Variants in KATNIP observed in about 807,000 individuals in gnomAD.
The protein encoded by KATNIP is katanin-interacting protein.
Under a neutral mutation model 174.0 loss-of-function variants are expected in KATNIP, and 126 were observed. The ratio of observed to expected loss-of-function variants is 0.72; its 90% confidence interval spans 0.63 to 0.84. KATNIP has a LOEUF of 0.84. KATNIP is among the 40% of genes least tolerant of loss of function. The probability of loss-of-function intolerance (pLI) is 0.00; values close to 1 mark genes in which losing one functional copy is unlikely to be tolerated. For missense variants in KATNIP, 1,958 were observed against 2,109.7 expected (o/e 0.93, Z 1.41); for synonymous variants, 810 against 835.7 (o/e 0.97, Z 0.53).
At chr16:27,720,450 G>A (rs967091655) in intron 13 of KATNIP, among the ~76,000 whole-genome samples, 3 of 149,980 alleles carry the variant, frequency 2.0e-5, no homozygotes, top group Admixed American at 6.6e-5. Context: ...CACTCCATGT[G>A]TGTGCATTCA....
At chr16:27,721,280 G>A (rs936782778) in intron 13 of KATNIP, among the ~76,000 whole-genome samples, 6 of 152,156 alleles carry the variant, frequency 3.9e-5, no homozygotes, top group Admixed American at 1.3e-4. Flanking sequence ...AATAAAGCCC[G>A]CTGCATTTTA....
intron 2 of KATNIP, among the ~76,000 whole-genome samples, chr16:27,611,209 A>G (rs987989652): frequency 1.3e-5 from 2 of 152,208 alleles, no homozygotes; most frequent in African/African-American, 4.8e-5. Context: ...TGGTATCTGA[A>G]TATACAGTGG....
intron 2 of KATNIP, among the ~76,000 whole-genome samples, chr16:27,588,410 G>GT (rs2090983518): frequency 6.6e-6 from 1 of 151,980 alleles, no homozygotes; most frequent in Admixed American, 6.6e-5. Flanking sequence ...TATTTAAGAG[G>GT]TTTTCACATG....
chr16:27,749,039 C>T (rs551683863), intron 15 of KATNIP, among the ~76,000 whole-genome samples: 2 of 152,186 alleles, frequency 1.3e-5, no homozygotes, highest in Non-Finnish European at 2.9e-5. Context: ...GTTAGAGTCA[C>T]GTGACTGTGA....
intron 13 of KATNIP, among the ~76,000 whole-genome samples, chr16:27,713,819 TA>T (rs56864871): frequency 2.6e-5 from 1 of 38,314 alleles, no homozygotes; most frequent in African/African-American, 1.4e-4. Flanking sequence ...CATATATATA[TA>T]TATATATATA....
At chr16:27,694,275 A>G (rs1003850987) in intron 8 of KATNIP, among the ~76,000 whole-genome samples, 24 of 152,128 alleles carry the variant, frequency 1.6e-4, no homozygotes, top group Admixed American at 1.1e-3. Context: ...GGGCGTAGCA[A>G]GAGAGTCAAG....
chr16:27,585,855 A>C (rs554143433), intron 2 of KATNIP, among the ~76,000 whole-genome samples: 11 of 152,296 alleles, frequency 7.2e-5, no homozygotes, highest in Non-Finnish European at 1.6e-4. Flanking sequence ...TAATCCCAGC[A>C]CTTTGGGAGG....
At position 27,758,396 on chromosome 16, in the gene KATNIP, A is replaced by G. The variant is rs114786871; in HGVS notation, c.3632-3017A>G. 1.1e-3 allele frequency among the ~76,000 whole-genome samples: 165 copies of G among 152,066 alleles called. 1 individual carries two copies. The highest frequency in any genetic ancestry group is 3.9e-3 in the African/African-American group (160 of 41,454). Reference sequence around the variant, plus strand: ...ATCTGTCCCCTTCAACCCTATTTTCATTGCCACCAGCCTTGTTCAAGCCAT... The same window carrying G: ...ATCTGTCCCCTTCAACCCTATTTTCGTTGCCACCAGCCTTGTTCAAGCCAT... On this transcript the variant is annotated intron_variant, in intron 18 of 27. Transcript: ENST00000261588.
chr16:27,756,303 G>A (rs1008197490), intron 18 of KATNIP, among the ~76,000 whole-genome samples: 1 of 152,228 alleles, frequency 6.6e-6, no homozygotes, highest in African/African-American at 2.4e-5. Flanking sequence ...TCGAATAGCA[G>A]CAGTTTTAAA....
chr16:27,667,942 G>A (rs2077743632), intron 6 of KATNIP, among the ~76,000 whole-genome samples: 1 of 152,178 alleles, frequency 6.6e-6, no homozygotes, highest in Admixed American at 6.5e-5. Flanking sequence ...TAAACTGAGT[G>A]AGGCCCAGAA....
At chr16:27,624,662 A>G (rs893609013) in intron 3 of KATNIP, among the ~76,000 whole-genome samples, 4 of 152,014 alleles carry the variant, frequency 2.6e-5, no homozygotes, top group African/African-American at 9.7e-5. Flanking sequence ...CAAAAAAAAA[A>G]TACAAAAATT....
intron 12 of KATNIP, 74 bp downstream of exon 12, chr16:27,704,072 G>T: frequency 8.4e-7 from 1 of 1,188,784 alleles, no homozygotes; most frequent in Non-Finnish European, 1.3e-6. Flanking sequence ...CATCAGTGAG[G>T]ATTGCTCTGA....
chr16:27,622,790 G>A (rs1422126216), intron 3 of KATNIP, among the ~76,000 whole-genome samples: 2 of 152,198 alleles, frequency 1.3e-5, no homozygotes, highest in African/African-American at 2.4e-5. Flanking sequence ...CTGAGCCAGC[G>A]CTTTAACCCA....
At chr16:27,597,631 C>T (rs118129047) in intron 2 of KATNIP, among the ~76,000 whole-genome samples, 202 of 152,122 alleles carry the variant, frequency 1.3e-3, no homozygotes, top group Non-Finnish European at 2.2e-3. Context: ...TTTCAACTAG[C>T]ATTTTGTCCA....
intron 13 of KATNIP, among the ~76,000 whole-genome samples, chr16:27,719,214 G>T (rs142554870): frequency 6.6e-6 from 1 of 152,326 alleles, no homozygotes; most frequent in East Asian, 1.9e-4. Flanking sequence ...ATATGAAGCA[G>T]TAGGGAGTGG....
At chr16:27,728,550 C>T (rs1479939027) in intron 14 of KATNIP, among the ~76,000 whole-genome samples, 2 of 152,236 alleles carry the variant, frequency 1.3e-5, no homozygotes, top group African/African-American at 4.8e-5. Flanking sequence ...CCTGCCTCAA[C>T]CTCCTGAGTT....
At chr16:27,636,787 T>G (rs1397315355) in intron 5 of KATNIP, among the ~76,000 whole-genome samples, 1 of 152,208 alleles carries the variant, frequency 6.6e-6, no homozygotes, top group East Asian at 1.9e-4. Context: ...GAGCTGGCCG[T>G]GTAACCACTC....
intron 19 of KATNIP, among the ~76,000 whole-genome samples, chr16:27,761,904 G>A (rs921541575): frequency 1.3e-5 from 2 of 152,206 alleles, no homozygotes; most frequent in African/African-American, 4.8e-5. Context: ...GCACACAGTA[G>A]CTGTCTGTAA....
chr16:27,673,083 C>G (rs1019642413), intron 6 of KATNIP, among the ~76,000 whole-genome samples: 1 of 152,120 alleles, frequency 6.6e-6, no homozygotes, highest in Non-Finnish European at 1.5e-5. Flanking sequence ...AGCCTTTCCC[C>G]CACCCCAGCA....
Sources: gnomAD v4.1 joint callset for allele counts (sites outside exome capture counted in the v4.1 genomes callset) on GRCh38, gnomAD v4.1.1 for gene constraint, MANE v1.5 for transcripts, NCBI Gene and HGNC (gene_info 2026-07-23, HGNC 2026-07-21) for gene names.